The following TMEM61 variants were observed in gnomAD, a reference collection of about 807,000 sequenced individuals.
TMEM61 encodes the protein transmembrane protein 61.
TMEM61 carries 13 observed loss-of-function variants against 12.0 expected under a neutral mutation model. That is an observed-to-expected ratio of 1.08 (90% confidence interval 0.70 to 1.72). The LOEUF (loss-of-function observed/expected upper bound fraction) is 1.72. Among genes scored for constraint, TMEM61 ranks in the 40% most tolerant of loss-of-function variants. The probability of loss-of-function intolerance (pLI) is 0.00; values close to 1 mark genes in which losing one functional copy is unlikely to be tolerated. For missense variants in TMEM61, 249 were observed against 276.9 expected, an observed-to-expected ratio of 0.90 and a Z score of 0.71; for synonymous variants, 109 against 121.4, an observed-to-expected ratio of 0.90 and a Z score of 0.67.
At chr1:54,983,109 G>GTTTTTTTTTTTTTTTTTTTTTT (rs780127208) in intron 1 of TMEM61, among the ~76,000 whole-genome samples, 3 of 109,522 alleles carry the variant, frequency 2.7e-5, no homozygotes, top group Admixed American at 1.2e-4. Context: ...GTTTTGCTTT[G>GTTTTTTTTTTTTTTTTTTTTTT]TTTTTTTTTT....
At chr1:54,981,437 A>G (rs1382404072) in intron 1 of TMEM61, among the ~76,000 whole-genome samples, 1 of 152,036 alleles carries the variant, frequency 6.6e-6, no homozygotes, top group Non-Finnish European at 1.5e-5. Flanking sequence ...GGGCAACATG[A>G]TGAAACCCTG....
intron 1 of TMEM61, among the ~76,000 whole-genome samples, chr1:54,984,511 C>G (rs1221810982): frequency 6.6e-6 from 1 of 152,198 alleles, no homozygotes; most frequent in East Asian, 1.9e-4. Context: ...CCTCCTCTCT[C>G]CCAGCTCTTC....
rs143778489 is a variant in TMEM61 at position 54,992,143 on chromosome 1, G to A, written c.*40G>A. ...TCCTGAATCCAGAGACAAAAATGCC[G>A]TGCCTTCTCCAGAGTCTTATGCAGT... is the stretch of plus-strand genomic sequence containing the variant. On this transcript the variant is annotated 3_prime_UTR_variant, in exon 3 of 3. Transcript: ENST00000371268. 5.4e-4 allele frequency: 856 copies of A among 1,589,318 alleles called. 1 individual carries two copies. The African/African-American group carries it at 7.6e-3, about 14-fold the overall frequency.
chr1:54,983,175 G>A (rs1322456381), intron 1 of TMEM61, among the ~76,000 whole-genome samples: 1 of 146,664 alleles, frequency 6.8e-6, no homozygotes, highest in African/African-American at 2.5e-5. Flanking sequence ...GTGCAGTGAC[G>A]CAATCTCGGC....
intron 2 of TMEM61, among the ~76,000 whole-genome samples, chr1:54,991,107 C>T (rs896367812): frequency 7.9e-5 from 12 of 152,196 alleles, no homozygotes; most frequent in South Asian, 2.1e-4. Context: ...CTGAGGGGGC[C>T]GACAGCTGGT....
intron 2 of TMEM61, among the ~76,000 whole-genome samples, chr1:54,990,436 G>A (rs1172569362): frequency 1.3e-5 from 2 of 152,142 alleles, no homozygotes; most frequent in African/African-American, 2.4e-5. Flanking sequence ...CCAGGTCCCC[G>A]GTGGGTGCTG....
At chr1:54,986,832 A>G (rs1188916066) in intron 2 of TMEM61, among the ~76,000 whole-genome samples, 1 of 151,830 alleles carries the variant, frequency 6.6e-6, no homozygotes, top group African/African-American at 2.4e-5. Context: ...GTTCTATCAC[A>G]AACTAGCAGT....
rs769331824 is a variant in TMEM61, at chr1:54,980,923, C to G, written c.-143C>G. ...AGGGCTCGGGGGCAGCGGCCAGGCCCCTCCGCCCCTAACACCCGCGCCTCC... is the reference window on the plus strand; with the variant it reads ...AGGGCTCGGGGGCAGCGGCCAGGCCGCTCCGCCCCTAACACCCGCGCCTCC... On this transcript the variant is annotated 5_prime_UTR_variant, in exon 1 of 3. Coordinates refer to ENST00000371268, the MANE Select transcript of TMEM61 (RefSeq NM_182532.3). The G allele has an allele frequency of 3.5e-6, 3 of 867,662 alleles. No homozygotes were observed. In the African/African-American group the frequency reaches 5.2e-5, roughly 15 times the overall value. The allele number at this position is 867,662 out of a possible 1,614,324, so 53.7% of individuals were successfully genotyped here.
At chr1:54,986,557 T>G (rs1055078363) in intron 2 of TMEM61, 111 bp downstream of exon 2, 135 of 995,366 alleles carry the variant, frequency 1.4e-4, no homozygotes, top group East Asian at 8.4e-4. Context: ...GGTTCCTCCT[T>G]TGGATCAGGC....
chr1:54,983,613 C>T (rs1644238548), intron 1 of TMEM61, among the ~76,000 whole-genome samples: 1 of 152,156 alleles, frequency 6.6e-6, no homozygotes. Context: ...TTTGGGCTCA[C>T]TCTCCTCATT....
At chr1:54,989,569 C>T (rs1210189328) in intron 2 of TMEM61, among the ~76,000 whole-genome samples, 5 of 152,256 alleles carry the variant, frequency 3.3e-5, no homozygotes, top group African/African-American at 1.2e-4. Context: ...GGCGCCATAT[C>T]CATGAATGGG....
chr1:54,991,952 C>G lies in TMEM61; in HGVS notation c.482C>G (p.Ser161Trp). 2 of 1,614,180 alleles carry G rather than the reference C, an allele frequency of 1.2e-6. No individual in the cohort carries two copies. The stretch of plus-strand genomic sequence containing the variant: ...GAGGAAGCCCTGGAGCCAAGTGGAT[C>G]GAGGGATGCCCTGCTCAGCACCCAG... ...PTEEALEPSG[S>W]RDALLSTQPA... The change falls in exon 3 of 3, where the codon TCG becomes TGG. Residue 161 changes from serine to tryptophan, a missense_variant. Physicochemically the swap from Ser to Trp is radical, Grantham distance 177. Transcript: ENST00000371268.
chr1:54,986,131 G>A lies in TMEM61; in HGVS notation c.50G>A (p.Arg17His), dbSNP rs377660069. 17 of 1,603,930 alleles carry A rather than the reference G, an allele frequency of 1.1e-5. No individual in the cohort carries two copies. The highest frequency in any genetic ancestry group is 9.0e-5 in the East Asian group (4 of 44,616). ...CDGSHLASTL[R>H]YCMTVSGTVV... ...GGGAGCCACTTGGCCTCCACCCTCC[G>A]CTATTGCATGACAGTCAGCGGCACA... The change falls in exon 2 of 3, where the codon CGC becomes CAC. Residue 17 changes from arginine to histidine, a missense_variant. Physicochemically the swap from Arg to His is conservative, Grantham distance 29. Coordinates refer to ENST00000371268, the MANE Select transcript of TMEM61 (RefSeq NM_182532.3).
chr1:54,986,705 G>T (rs1007132826), intron 2 of TMEM61, among the ~76,000 whole-genome samples: 1 of 151,772 alleles, frequency 6.6e-6, no homozygotes, highest in South Asian at 2.1e-4. Flanking sequence ...AAGACATGGA[G>T]AAACCCAGGA....
Position 54,992,111 on chromosome 1 carries a change from T to C in TMEM61, c.*8T>C. 6.2e-7 allele frequency: 1 copy of C among 1,607,734 alleles called. No individual in the cohort carries two copies. Among genetic ancestry groups the C allele is most frequent in the Non-Finnish European group, 8.5e-7 (1 of 1,177,992 alleles). ...GCACGGGGAGGAAGTTAAAGGCTCC[T>C]AGCAGGTCCTGAATCCAGAGACAAA... On this transcript the variant is annotated 3_prime_UTR_variant, in exon 3 of 3. Transcript: ENST00000371268.
In TMEM61 at chr1:54,986,471, G is replaced by A. The variant is rs111620666; in HGVS notation, c.365+25G>A. 854 of 1,519,848 alleles carry A rather than the reference G, an allele frequency of 5.6e-4. 4 individuals carry two copies. In the African/African-American group the frequency reaches 0.01, roughly 19 times the overall value. The allele number at this position is 1,519,848 out of a possible 1,614,324, so 94.1% of individuals were successfully genotyped here. A position where few individuals can be genotyped will look rare whatever the true frequency, so the allele number is the denominator to read the frequency against. ...GGTCAGCAGGGCGGGGTGTGGCAGC[G>A]GGTGGGGACTGCAGGTAGGGGCCCA... On this transcript the variant is annotated intron_variant, in intron 2 of 2. Coordinates refer to ENST00000371268, the MANE Select transcript of TMEM61 (RefSeq NM_182532.3).
At chr1:54,982,592 C>T (rs754757936) in intron 1 of TMEM61, among the ~76,000 whole-genome samples, 6 of 152,244 alleles carry the variant, frequency 3.9e-5, no homozygotes, top group South Asian at 4.1e-4. Flanking sequence ...TGTGAGAACA[C>T]GCAAAGGGCA....
intron 2 of TMEM61, 62 bp downstream of exon 2, chr1:54,986,508 C>G: frequency 7.4e-7 from 1 of 1,358,076 alleles, no homozygotes; most frequent in Middle Eastern, 2.4e-4. Flanking sequence ...TCACACCAGC[C>G]CACCAGCCAG....
rs1256941500 is a variant in TMEM61 at position 54,980,940 on chromosome 1, C to T, written c.-126C>T. On this transcript the variant is annotated 5_prime_UTR_variant, in exon 1 of 3. Transcript: ENST00000371268. ...GCCAGGCCCCTCCGCCCCTAACACCCGCGCCTCCTGCAGACCCGAGGGTCG... is the reference window on the plus strand; with the variant it reads ...GCCAGGCCCCTCCGCCCCTAACACCTGCGCCTCCTGCAGACCCGAGGGTCG... The T allele has an allele frequency of 2.8e-6, 3 of 1,054,452 alleles. No homozygotes were observed. Among genetic ancestry groups the T allele is most frequent in the African/African-American group, 3.2e-5 (2 of 62,116 alleles). The allele number at this position is 1,054,452 out of a possible 1,614,324, so 65.3% of individuals were successfully genotyped here.
Sources: allele counts gnomAD v4.1 joint callset (sites outside exome capture counted in the v4.1 genomes callset), GRCh38; gene constraint gnomAD v4.1.1; transcripts MANE v1.5; gene names NCBI Gene and HGNC (gene_info 2026-07-23, HGNC 2026-07-21).